Variants in GABRB1 observed in about 807,000 individuals in gnomAD.
The protein encoded by GABRB1 is gamma-aminobutyric acid receptor subunit beta-1.
GABRB1 carries 17 observed loss-of-function variants against 51.6 expected under a neutral mutation model. That is an observed-to-expected ratio of 0.33 (90% CI 0.23 to 0.49). The LOEUF is 0.49. Among genes scored for constraint, GABRB1 ranks in the 20% least tolerant of loss-of-function variants. The pLI is 0.99. For synonymous variants in GABRB1, 247 were observed against 218.9 expected, an observed-to-expected ratio of 1.13 and a Z score of -1.14; for missense variants, 410 against 600.6, an observed-to-expected ratio of 0.68 and a Z score of 3.32.
chr4:47,171,082 A>T (rs1338933395), intron 4 of GABRB1, among the ~76,000 whole-genome samples: 1 of 152,180 alleles, frequency 6.6e-6, no homozygotes, highest in Non-Finnish European at 1.5e-5. Flanking sequence ...CAACTGAAAT[A>T]ATTATGCAGT....
chr4:47,048,101 G>A (rs1234835283), intron 3 of GABRB1, among the ~76,000 whole-genome samples: 1 of 152,010 alleles, frequency 6.6e-6, no homozygotes, highest in Admixed American at 6.6e-5. Flanking sequence ...AAATTTTGAG[G>A]TTCAAAAATT....
chr4:47,208,551 T>G (rs1278518568), intron 4 of GABRB1, among the ~76,000 whole-genome samples: 1 of 152,176 alleles, frequency 6.6e-6, no homozygotes, highest in East Asian at 1.9e-4. Flanking sequence ...CAAAAAACAT[T>G]GAATTGTATA....
chr4:47,176,951 T>C (rs1284437507), intron 4 of GABRB1, among the ~76,000 whole-genome samples: 1 of 152,160 alleles, frequency 6.6e-6, no homozygotes, highest in Admixed American at 6.6e-5. Flanking sequence ...AGTAACTTGC[T>C]TAAGATCAGA....
chr4:47,244,634 T>G (rs958547786), intron 4 of GABRB1, among the ~76,000 whole-genome samples: 1 of 152,068 alleles, frequency 6.6e-6, no homozygotes, highest in Non-Finnish European at 1.5e-5. Context: ...GTCCAGAAAT[T>G]TATCCATTTC....
intron 4 of GABRB1, among the ~76,000 whole-genome samples, chr4:47,211,086 C>G (rs891270089): frequency 5.9e-5 from 9 of 152,218 alleles, no homozygotes; most frequent in African/African-American, 2.2e-4. Context: ...GCTGACATGT[C>G]TGTGCTTGGG....
intron 3 of GABRB1, among the ~76,000 whole-genome samples, chr4:47,033,859 T>A (rs1216075004): frequency 6.6e-6 from 1 of 152,162 alleles, no homozygotes; most frequent in African/African-American, 2.4e-5. Flanking sequence ...AAACTCAATT[T>A]TAAAAACGTA....
At chr4:47,364,441 A>T (rs1726910278) in intron 5 of GABRB1, among the ~76,000 whole-genome samples, 2 of 152,148 alleles carry the variant, frequency 1.3e-5, no homozygotes, top group South Asian at 4.1e-4. Flanking sequence ...AGAGCAAAAA[A>T]GCTATTAAAA....
chr4:47,178,519 G>C (rs557791098), intron 4 of GABRB1, among the ~76,000 whole-genome samples: 1 of 152,150 alleles, frequency 6.6e-6, no homozygotes, highest in African/African-American at 2.4e-5. Context: ...GAAGAATAAA[G>C]CCATTATCTT....
At chr4:47,052,581 A>G (rs1423945141) in intron 3 of GABRB1, among the ~76,000 whole-genome samples, 3 of 152,224 alleles carry the variant, frequency 2.0e-5, no homozygotes, top group Admixed American at 6.5e-5. Flanking sequence ...ACCCATTTGT[A>G]CTGTGGCCTT....
intron 4 of GABRB1, among the ~76,000 whole-genome samples, chr4:47,315,218 G>A (rs1578088170): frequency 1.3e-5 from 2 of 151,876 alleles, no homozygotes; most frequent in Admixed American, 6.6e-5. Context: ...CCCATTAAAA[G>A]TAGGCAAAGA....
At chr4:47,013,249 A>G (rs536212752) in intron 1 of GABRB1, among the ~76,000 whole-genome samples, 2 of 152,154 alleles carry the variant, frequency 1.3e-5, no homozygotes, top group East Asian at 1.9e-4. Flanking sequence ...ATCTCTCTAC[A>G]TACTTAAGAA....
chr4:47,002,796 C>T (rs1724268827), intron 1 of GABRB1, among the ~76,000 whole-genome samples: 2 of 152,280 alleles, frequency 1.3e-5, no homozygotes, highest in South Asian at 4.1e-4. Context: ...AGCCAGACTG[C>T]TCTTCATTAC....
At chr4:47,203,111 C>G (rs575716457) in intron 4 of GABRB1, among the ~76,000 whole-genome samples, 1 of 152,274 alleles carries the variant, frequency 6.6e-6, no homozygotes, top group African/African-American at 2.4e-5. Context: ...AGCACACAGT[C>G]ACTCCTCTGT....
At chr4:47,267,111 A>G (rs968416666) in intron 4 of GABRB1, among the ~76,000 whole-genome samples, 1 of 152,200 alleles carries the variant, frequency 6.6e-6, no homozygotes, top group African/African-American at 2.4e-5. Context: ...AGTGAGTGTT[A>G]GCAATTTGAA....
chr4:47,003,843 C>G (rs1198980497), intron 1 of GABRB1, among the ~76,000 whole-genome samples: 1 of 152,186 alleles, frequency 6.6e-6, no homozygotes, highest in Admixed American at 6.5e-5. Context: ...GGAAATTGGG[C>G]TTTGAACCTA....
intron 3 of GABRB1, among the ~76,000 whole-genome samples, chr4:47,158,316 A>T (rs1416449297): frequency 6.6e-6 from 1 of 152,132 alleles, no homozygotes; most frequent in East Asian, 1.9e-4. Context: ...ATTGTGTACA[A>T]CATGGTGTTT....
At chr4:47,177,647 C>T (rs1042069018) in intron 4 of GABRB1, among the ~76,000 whole-genome samples, 8 of 151,998 alleles carry the variant, frequency 5.3e-5, no homozygotes, top group Non-Finnish European at 1.5e-5. Flanking sequence ...AAAGAAAGAA[C>T]TTCAGATTTG....
At chr4:47,319,082 A>C (rs1296771581) in intron 4 of GABRB1, among the ~76,000 whole-genome samples, 4 of 152,104 alleles carry the variant, frequency 2.6e-5, no homozygotes, top group African/African-American at 9.6e-5. Flanking sequence ...ATAATAAGCT[A>C]TCCTTAAAAA....
chr4:47,398,154 G>A (rs1165255098), intron 5 of GABRB1, among the ~76,000 whole-genome samples: 2 of 151,890 alleles, frequency 1.3e-5, no homozygotes, highest in East Asian at 1.9e-4. Flanking sequence ...ATTTTTAACT[G>A]GTCCTTTTCA....
Sources: gnomAD v4.1 joint callset for allele counts (sites outside exome capture counted in the v4.1 genomes callset) on GRCh38, gnomAD v4.1.1 for gene constraint, MANE v1.5 for transcripts, NCBI Gene and HGNC (gene_info 2026-07-23, HGNC 2026-07-21) for gene names.